NKAIN3: variants seen among roughly 807,000 people sequenced by gnomAD.
NKAIN3 encodes the protein sodium/potassium transporting ATPase interacting 3, also known as sodium/potassium-transporting ATPase subunit beta-1-interacting protein 3.
In NKAIN3, 25 loss-of-function variants were observed where a neutral mutation model predicts 30.2. The observed-to-expected ratio is 0.83, with a 90% CI of 0.60 to 1.16. NKAIN3 has a LOEUF of 1.16. Ranked by LOEUF, NKAIN3 falls within the 50% of genes most tolerant of loss-of-function variation. The probability of loss-of-function intolerance (pLI) is 0.00; values close to 1 mark genes in which losing one functional copy is unlikely to be tolerated. For synonymous variants in NKAIN3, 91 were observed against 89.6 expected, an observed-to-expected ratio of 1.02 and a Z score of -0.09; for missense variants, 225 against 254.1, an observed-to-expected ratio of 0.89 and a Z score of 0.78.
intron 4 of NKAIN3, among the ~76,000 whole-genome samples, chr8:62,752,392 T>G (rs1816310379): frequency 1.3e-5 from 2 of 152,234 alleles, no homozygotes; most frequent in South Asian, 4.1e-4. Context: ...CTCATTTCTT[T>G]AATCCCACAC....
chr8:62,713,284 C>T (rs929772415), intron 3 of NKAIN3, among the ~76,000 whole-genome samples: 8 of 152,232 alleles, frequency 5.3e-5, no homozygotes, highest in East Asian at 1.9e-4. Flanking sequence ...AAAGCTTGCA[C>T]GTAGTAGACA....
intron 1 of NKAIN3, among the ~76,000 whole-genome samples, chr8:62,440,286 A>G (rs1805285157): frequency 6.6e-6 from 1 of 152,182 alleles, no homozygotes; most frequent in Admixed American, 6.5e-5. Flanking sequence ...GCTCTTGTTC[A>G]TAAATTATTA....
intron 3 of NKAIN3, among the ~76,000 whole-genome samples, chr8:62,636,741 T>C (rs1282029205): frequency 2.6e-5 from 4 of 152,184 alleles, no homozygotes; most frequent in African/African-American, 7.2e-5. Flanking sequence ...TATACTGATA[T>C]TGTAAACAAC....
At position 62,506,476 on chromosome 8, in the gene NKAIN3, C is replaced by CTTTCTTTCTTTTTTT. The variant is rs71559373; in HGVS notation, c.55-73060_55-73059insCTTTCTTTTTTTTTT. ...TCTGCTTTTTCTTTTTTCTTTCTTT[C>CTTTCTTTCTTTTTTT]TTTTTTTTTTTTTTTTGAGACAGAG... On this transcript the variant is annotated intron_variant, in intron 1 of 6. Transcript: ENST00000623646. Among the ~76,000 whole-genome samples the CTTTCTTTCTTTTTTT allele has an allele frequency of 2.5e-3, 247 of 98,438 alleles. 4 individuals carry two copies. Among genetic ancestry groups the CTTTCTTTCTTTTTTT allele is most frequent in the Middle Eastern group, 7.8e-3 (1 of 128 alleles). The allele number at this position is 98,438 out of a possible 152,430, so 64.6% of individuals were successfully genotyped here.
At chr8:62,405,439 C>T (rs573642338) in intron 1 of NKAIN3, among the ~76,000 whole-genome samples, 4 of 152,308 alleles carry the variant, frequency 2.6e-5, no homozygotes, top group African/African-American at 7.2e-5. Context: ...CAGGTTCTGA[C>T]CACTGGGATT....
At chr8:62,292,294 A>G (rs559440796) in intron 1 of NKAIN3, among the ~76,000 whole-genome samples, 3 of 152,064 alleles carry the variant, frequency 2.0e-5, no homozygotes, top group Admixed American at 2.0e-4. Context: ...TTAGCTGGTT[A>G]TTTTGCTTGT....
chr8:62,756,792 TA>T (rs368083893), intron 4 of NKAIN3, among the ~76,000 whole-genome samples: 6 of 152,304 alleles, frequency 3.9e-5, no homozygotes, highest in African/African-American at 1.4e-4. Context: ...ACAGTATGCA[TA>T]TGATTAGTAT....
intron 1 of NKAIN3, among the ~76,000 whole-genome samples, chr8:62,426,190 G>T (rs1264096778): frequency 2.6e-5 from 4 of 151,884 alleles, no homozygotes; most frequent in Non-Finnish European, 5.9e-5. Flanking sequence ...TGAGAACAGG[G>T]AAATCTACCA....
chr8:62,465,797 T>C (rs1159895749), intron 1 of NKAIN3, among the ~76,000 whole-genome samples: 1 of 152,064 alleles, frequency 6.6e-6, no homozygotes, highest in Admixed American at 6.6e-5. Context: ...CTGAGGCAGG[T>C]GGATCACTTG....
intron 1 of NKAIN3, among the ~76,000 whole-genome samples, chr8:62,493,342 G>T (rs1180841739): frequency 6.6e-6 from 1 of 152,072 alleles, no homozygotes; most frequent in Non-Finnish European, 1.5e-5. Context: ...CTAGGTGTTT[G>T]GCCTTATATT....
intron 1 of NKAIN3, among the ~76,000 whole-genome samples, chr8:62,381,411 C>G (rs1817271432): frequency 6.6e-6 from 1 of 152,138 alleles, no homozygotes; most frequent in African/African-American, 2.4e-5. Context: ...ATGCCCTTTA[C>G]TATATTCTTC....
intron 1 of NKAIN3, among the ~76,000 whole-genome samples, chr8:62,310,882 C>G (rs1160083662): frequency 6.7e-6 from 1 of 150,302 alleles, no homozygotes; most frequent in East Asian, 1.9e-4. Context: ...TAGTATCACT[C>G]CAAAGATTAA....
intron 2 of NKAIN3, 105 bp from the exon 3 acceptor site, chr8:62,589,609 C>G: frequency 1.9e-6 from 1 of 537,648 alleles, no homozygotes; most frequent in Non-Finnish European, 3.4e-6. Flanking sequence ...TCAGTTTCTT[C>G]CCAGAAGACA....
At chr8:62,275,957 G>C (rs146065989) in intron 1 of NKAIN3, among the ~76,000 whole-genome samples, 86 of 151,926 alleles carry the variant, frequency 5.7e-4, no homozygotes, top group African/African-American at 2.0e-3. Context: ...ATCTTTTTTT[G>C]GTTTAATAAT....
intron 4 of NKAIN3, among the ~76,000 whole-genome samples, chr8:62,844,902 C>T (rs1039176476): frequency 1.3e-5 from 2 of 152,010 alleles, no homozygotes; most frequent in Non-Finnish European, 2.9e-5. Context: ...ATCATACTCC[C>T]ATTACCCAAC....
At chr8:62,945,699 AC>A (rs1488380061) in intron 5 of NKAIN3, among the ~76,000 whole-genome samples, 1 of 152,152 alleles carries the variant, frequency 6.6e-6, no homozygotes, top group Non-Finnish European at 1.5e-5. Context: ...CACTTGGGGC[AC>A]ACCTTCTCCA....
At position 62,976,524 on chromosome 8, in the gene NKAIN3, T is replaced by C. The variant is rs62508109; in HGVS notation, c.*11117T>C. On this transcript the variant is annotated 3_prime_UTR_variant, in exon 7 of 7. Coordinates refer to ENST00000623646, the MANE Select transcript of NKAIN3 (RefSeq NM_001304533.3). Reference sequence around the variant, plus strand: ...ATTGCAACCCCTGCTTTTTTTTGCTTTCCATTTGCCTGGTAAATATCTCTC... The same window carrying C: ...ATTGCAACCCCTGCTTTTTTTTGCTCTCCATTTGCCTGGTAAATATCTCTC... Among the ~76,000 whole-genome samples the C allele has an allele frequency of 0.11, 16,139 of 152,198 alleles. 894 individuals carry two copies. The highest frequency in any genetic ancestry group is 0.17 in the South Asian group (812 of 4,812).
chr8:62,574,701 A>G (rs1810054286), intron 1 of NKAIN3, among the ~76,000 whole-genome samples: 2 of 152,094 alleles, frequency 1.3e-5, no homozygotes, highest in Non-Finnish European at 1.5e-5. Context: ...CACCCTTGCC[A>G]GCATTTGCTA....
chr8:62,966,285 A>G lies in NKAIN3; in HGVS notation c.*878A>G. 2.0e-6 allele frequency: 2 copies of G among 985,078 alleles called. No homozygotes were observed. The highest frequency in any genetic ancestry group is 2.4e-6 in the Non-Finnish European group (2 of 829,628). The allele number at this position is 985,078 out of a possible 1,614,324, so 61.0% of individuals were successfully genotyped here. ...CTGAAAATGCTGTAGCATTCTCTATAAATACTTCTAAAGGAGACATTCACG... is the reference window on the plus strand; with the variant it reads ...CTGAAAATGCTGTAGCATTCTCTATGAATACTTCTAAAGGAGACATTCACG... On this transcript the variant is annotated 3_prime_UTR_variant, in exon 7 of 7. Transcript: ENST00000623646.
Sources: allele counts gnomAD v4.1 joint callset (sites outside exome capture counted in the v4.1 genomes callset), GRCh38; gene constraint gnomAD v4.1.1; transcripts MANE v1.5; gene names NCBI Gene and HGNC (gene_info 2026-07-23, HGNC 2026-07-21).